MASTL: variants seen among roughly 807,000 people sequenced by gnomAD.
MASTL encodes serine/threonine-protein kinase greatwall.
Under a neutral mutation model 82.5 loss-of-function variants are expected in MASTL, and 54 were observed. That is an observed-to-expected ratio of 0.65 (90% CI 0.53 to 0.82). MASTL has a LOEUF of 0.82. MASTL is among the 40% of genes least tolerant of loss of function. The pLI is 0.00. For missense variants in MASTL, 950 were observed against 1,047.8 expected, an observed-to-expected ratio of 0.91 and a Z score of 1.29; for synonymous variants, 323 against 368.9, an observed-to-expected ratio of 0.88 and a Z score of 1.43.
chr10:27,156,012 T>A (rs1330665423), intron 1 of MASTL, among the ~76,000 whole-genome samples: 5 of 150,384 alleles, frequency 3.3e-5, no homozygotes, highest in African/African-American at 1.2e-4. Flanking sequence ...GTTTCTTTTT[T>A]ATTTTTTTTT....
Position 27,187,885 on chromosome 10 carries a change from G to A in MASTL, c.*1349G>A, listed in dbSNP as rs907352635. 6.6e-6 allele frequency among the ~76,000 whole-genome samples: 1 copy of A among 152,096 alleles called. No homozygotes were observed. On this transcript the variant is annotated 3_prime_UTR_variant, in exon 12 of 12. Transcript: ENST00000375940. ...TTATTTAAAACATGCAACATTATCA[G>A]AAACAGATTGGTCCTTAAAAAACAA...
At position 27,158,549 on chromosome 10, in the gene MASTL, G is replaced by T. The variant is rs367601064; in HGVS notation, c.187G>T (p.Val63Phe). Residue 63 changes from valine to phenylalanine, a missense_variant and splice_region_variant, in exon 2 of 12, where the codon GTT (valine) becomes TTT (phenylalanine). Transcript: ENST00000375940. ...ATCACTTTTATTTTATCTATTACAGGTTGTTAAAAAAGCAGACATGATCAA... is the reference window on the plus strand; with the variant it reads ...ATCACTTTTATTTTATCTATTACAGTTTGTTAAAAAAGCAGACATGATCAA... ...QKGGKLYAVK[V>F]VKKADMINKN... The T allele has an allele frequency of 7.5e-6, 12 of 1,589,406 alleles. No individual in the cohort carries two copies. The highest frequency in any genetic ancestry group is 1.0e-5 in the Non-Finnish European group (12 of 1,157,806).
At chr10:27,185,070 A>T (rs1004576816) in intron 11 of MASTL, among the ~76,000 whole-genome samples, 2 of 152,174 alleles carry the variant, frequency 1.3e-5, no homozygotes, top group East Asian at 3.8e-4. Context: ...CATGAAGAGA[A>T]CGTGTCAGAA....
chr10:27,170,639 A>C lies in MASTL; in HGVS notation c.1680A>C (p.Arg560Ser). The C allele has an allele frequency of 6.2e-7, 1 of 1,607,838 alleles. No individual in the cohort carries two copies. Among genetic ancestry groups the C allele is most frequent in the Non-Finnish European group, 8.5e-7 (1 of 1,178,150 alleles). ...SSSFLCSDDD[R>S]ASKNISMNSD... The stretch of plus-strand genomic sequence containing the variant: ...GTTTTCTATGTTCTGATGATGATAG[A>C]GCTTCTAAAAATATTTCTATGAACT... Residue 560 changes from arginine (R) to serine (S), a missense_variant, in exon 8 of 12, where the codon AGA becomes AGC. Arg to Ser is a moderately radical substitution (Grantham distance 110). Transcript: ENST00000375940.
chr10:27,171,196 G>A, intron 8 of MASTL, 113 bp downstream of exon 8: 1 of 913,164 alleles, frequency 1.1e-6, no homozygotes, highest in Non-Finnish European at 1.7e-6. Flanking sequence ...TGTTCTTCTT[G>A]TTGAGAATCT....
Position 27,187,531 on chromosome 10 carries a change from C to T in MASTL, c.*995C>T, listed in dbSNP as rs187487295. On this transcript the variant is annotated 3_prime_UTR_variant, in exon 12 of 12. Transcript: ENST00000375940. ...CTTTGGGAGGCTGAGGCAGGCAAGT[C>T]GCTTGAGGCCTGGAGTTTGAGACCA... 1.3e-5 allele frequency among the ~76,000 whole-genome samples: 2 copies of T among 152,194 alleles called. No homozygotes were observed. The highest frequency in any genetic ancestry group is 4.8e-5 in the African/African-American group (2 of 41,556).
chr10:27,186,891 T>TTAAAA lies in MASTL; in HGVS notation c.*359_*363dup. 1 of 273,528 alleles carries TTAAAA rather than the reference T, an allele frequency of 3.7e-6. No individual in the cohort carries two copies. Among genetic ancestry groups the TTAAAA allele is most frequent in the South Asian group, 4.2e-5 (1 of 23,752 alleles). The allele number at this position is 273,528 out of a possible 1,614,324, so 16.9% of individuals were successfully genotyped here. On this transcript the variant is annotated 3_prime_UTR_variant, in exon 12 of 12. Coordinates refer to ENST00000375940, the MANE Select transcript of MASTL (RefSeq NM_001172303.3). Reference sequence around the variant, plus strand: ...TTTCAGTTCACTGTTCAGTTTAGCATTAAAATAATAAAATAATCATACAGT... The same window carrying TTAAAA: ...TTTCAGTTCACTGTTCAGTTTAGCATTAAAATAAAATAATAAAATAATCATACAGT...
At position 27,159,793 on chromosome 10, in the gene MASTL, A is replaced by T; in HGVS notation, c.464+35A>T. 1.3e-6 allele frequency: 2 copies of T among 1,563,940 alleles called. No homozygotes were observed. Among genetic ancestry groups the T allele is most frequent in the South Asian group, 1.1e-5 (1 of 89,976 alleles). On this transcript the variant is annotated intron_variant, in intron 3 of 11. Coordinates refer to ENST00000375940, the MANE Select transcript of MASTL (RefSeq NM_001172303.3). This position sits in a 1 kb window ranked among gnomAD's most constrained non-coding sequence, Gnocchi z 4.0. ...GACTTCTCCAAATTATTACTTAAAA[A>T]TTCAAGTAATCAAATTACATATTTG...
At chr10:27,155,652 T>C in intron 1 of MASTL, 40 bp downstream of exon 1, 1 of 1,609,444 alleles carries the variant, frequency 6.2e-7, no homozygotes. Flanking sequence ...GTTAGGCCCT[T>C]CGGCCCTCCT....
chr10:27,165,708 A>G (rs1425587035), intron 6 of MASTL, among the ~76,000 whole-genome samples, 169 bp downstream of exon 6: 1 of 151,910 alleles, frequency 6.6e-6, no homozygotes, highest in East Asian at 1.9e-4. Context: ...CCAGGAGTTC[A>G]AGACCAGCCT....
At chr10:27,166,754 C>T (rs966620154) in intron 6 of MASTL, among the ~76,000 whole-genome samples, 1 of 152,192 alleles carries the variant, frequency 6.6e-6, no homozygotes, top group African/African-American at 2.4e-5. Context: ...GAGGGAGATC[C>T]TGCCATGAAT....
At chr10:27,160,159 C>CTTTTTTT (rs58196933) in intron 3 of MASTL, among the ~76,000 whole-genome samples, 5 of 40,604 alleles carry the variant, frequency 1.2e-4, no homozygotes, top group Admixed American at 4.4e-4. Flanking sequence ...TTACTCTTGG[C>CTTTTTTT]TTTTTTTTTT....
intron 9 of MASTL, among the ~76,000 whole-genome samples, chr10:27,178,893 G>A (rs972811012): frequency 2.0e-5 from 3 of 152,082 alleles, no homozygotes; most frequent in Admixed American, 2.0e-4. Flanking sequence ...TATAGAAATA[G>A]AAGCCTATAG....
chr10:27,172,442 G>T (rs1342068420), intron 8 of MASTL, among the ~76,000 whole-genome samples: 2 of 152,090 alleles, frequency 1.3e-5, no homozygotes, highest in Non-Finnish European at 2.9e-5. Flanking sequence ...ATCACCTGAG[G>T]TCGGGAGATC....
Position 27,186,807 on chromosome 10 carries a change from A to G in MASTL, c.*271A>G, listed in dbSNP as rs2058786309. On this transcript the variant is annotated 3_prime_UTR_variant, in exon 12 of 12. Transcript: ENST00000375940. ...GCACTTTATGAAAACTGAAGCATCA[A>G]TAAAATTAGAGGACACTATTGAGAG... 9.3e-6 allele frequency: 4 copies of G among 429,702 alleles called. No homozygotes were observed. Among genetic ancestry groups the G allele is most frequent in the Admixed American group, 7.5e-5 (2 of 26,844 alleles). 26.6% of individuals were successfully genotyped at this position (429,702 alleles called of 1,614,324 possible). A position where few individuals can be genotyped will look rare whatever the true frequency, so the allele number is the denominator to read the frequency against.
intron 11 of MASTL, among the ~76,000 whole-genome samples, chr10:27,181,946 G>A (rs960106947): frequency 1.3e-5 from 2 of 151,630 alleles, no homozygotes; most frequent in Non-Finnish European, 2.9e-5. Context: ...ATAGTGGCGG[G>A]TGCCTGTAGT....
intron 9 of MASTL, among the ~76,000 whole-genome samples, chr10:27,174,315 A>T (rs1320925756): frequency 2.0e-5 from 3 of 152,086 alleles, no homozygotes; most frequent in African/African-American, 4.8e-5. Flanking sequence ...AGATCGTGCC[A>T]CTACACTCGA....
chr10:27,168,784 T>C (rs549562343), intron 7 of MASTL, among the ~76,000 whole-genome samples: 5 of 152,184 alleles, frequency 3.3e-5, no homozygotes, highest in Non-Finnish European at 5.9e-5. Flanking sequence ...GCCTCCAGAC[T>C]GGGCAACGAG....
intron 8 of MASTL, among the ~76,000 whole-genome samples, chr10:27,172,505 T>G (rs1213341256): frequency 6.6e-6 from 1 of 151,986 alleles, no homozygotes; most frequent in Non-Finnish European, 1.5e-5. Context: ...AAATACAAAA[T>G]TAGCCAGGCA....
Sources: allele counts gnomAD v4.1 joint callset (sites outside exome capture counted in the v4.1 genomes callset), GRCh38; gene constraint gnomAD v4.1.1; non-coding constraint Gnocchi (gnomAD v3.1); transcripts MANE v1.5; gene names NCBI Gene and HGNC (gene_info 2026-07-23, HGNC 2026-07-21).